Variants in LGALS8 observed in about 807,000 individuals in gnomAD.
LGALS8 encodes galectin 8.
In LGALS8, 30 loss-of-function variants were observed where a neutral mutation model predicts 35.9. That is an observed-to-expected ratio of 0.83 (90% CI 0.62 to 1.13). LGALS8 has a LOEUF of 1.13. Among genes scored for constraint, LGALS8 ranks in the 50% most tolerant of loss-of-function variants. The probability of loss-of-function intolerance (pLI) is 0.00; values close to 1 mark genes in which losing one functional copy is unlikely to be tolerated. For missense variants in LGALS8, 366 were observed against 388.7 expected, an observed-to-expected ratio of 0.94 and a Z score of 0.49; for synonymous variants, 138 against 136.1, an observed-to-expected ratio of 1.01 and a Z score of -0.10.
chr1:236,541,934 A>T (rs1364531038), intron 6 of LGALS8, among the ~76,000 whole-genome samples: 1 of 152,158 alleles, frequency 6.6e-6, no homozygotes, highest in Non-Finnish European at 1.5e-5. Context: ...CTTATGTAAA[A>T]AGCACTCTCT....
At chr1:236,532,479 T>C (rs1182997337) in intron 2 of LGALS8, among the ~76,000 whole-genome samples, 2 of 152,188 alleles carry the variant, frequency 1.3e-5, no homozygotes, top group Non-Finnish European at 2.9e-5. Flanking sequence ...TTAGCAGATT[T>C]GCTCTCAGAT....
intron 2 of LGALS8, among the ~76,000 whole-genome samples, chr1:236,528,508 ACCG>A (rs1284459388): frequency 1.4e-5 from 2 of 146,698 alleles, no homozygotes; most frequent in Admixed American, 6.9e-5. Context: ...TTATAAACAC[ACCG>A]CCACTTTTTA....
rs762370325 is a variant in LGALS8, at chr1:236,548,018, A to C, written c.811A>C (p.Ile271Leu). Residue 271 changes from isoleucine to leucine, a missense_variant, in exon 10 of 10, where the codon ATT (isoleucine) becomes CTT (leucine). By Grantham distance (5) the Ile-to-Leu change is conservative (BLOSUM62 2). Coordinates refer to ENST00000366584, the MANE Select transcript of LGALS8 (RefSeq NM_201544.4). Reference sequence around the variant, plus strand: ...ATGTATCCTTTCCTTTCAGATGATAATTTATTGTGATGTTAGAGAATTCAA... The same window carrying C: ...ATGTATCCTTTCCTTTCAGATGATACTTTATTGTGATGTTAGAGAATTCAA... ...FSPGMYFEMIIYCDVREFKVA... is the reference protein window; with the variant it reads ...FSPGMYFEMILYCDVREFKVA... 8 of 1,610,818 alleles carry C rather than the reference A, an allele frequency of 5.0e-6. No individual in the cohort carries two copies. The East Asian group carries it at 1.8e-4, about 36-fold the overall frequency.
chr1:236,524,457 T>C, intron 1 of LGALS8: 1 of 456,482 alleles, frequency 2.2e-6, no homozygotes, highest in Non-Finnish European at 4.4e-6. Flanking sequence ...TCTGGGGAAG[T>C]TTCCTTCCCG....
At chr1:236,532,228 C>T (rs1661189675) in intron 2 of LGALS8, among the ~76,000 whole-genome samples, 5 of 152,180 alleles carry the variant, frequency 3.3e-5, no homozygotes, top group Admixed American at 3.3e-4. Flanking sequence ...CCCAAGTTCC[C>T]AGACACCAGC....
rs541061035 is a variant in LGALS8, at chr1:236,535,190, A to G, written c.46-2307A>G. Among the ~76,000 whole-genome samples the G allele has an allele frequency of 2.4e-4, 37 of 152,196 alleles. 2 individuals carry two copies. In the South Asian group the frequency reaches 7.3e-3, roughly 30 times the overall value. ...CTATAGAAATATCGATGCTTATTATAGACATCTGCAAAGTATGAAAATATA... is the reference window on the plus strand; with the variant it reads ...CTATAGAAATATCGATGCTTATTATGGACATCTGCAAAGTATGAAAATATA... On this transcript the variant is annotated intron_variant, in intron 2 of 9. Transcript: ENST00000366584.
rs746589507 is a variant in LGALS8, at chr1:236,540,532, C to CA, written c.346-32_346-31insA. 6.0e-6 allele frequency: 9 copies of CA among 1,488,800 alleles called. No individual in the cohort carries two copies. The South Asian group carries it at 1.1e-4, about 18-fold the overall frequency. The allele number at this position is 1,488,800 out of a possible 1,614,324, so 92.2% of individuals were successfully genotyped here. A position where few individuals can be genotyped will look rare whatever the true frequency, so the allele number is the denominator to read the frequency against. On this transcript the variant is annotated intron_variant, in intron 4 of 9. Transcript: ENST00000366584. ...TTTATTAACTGTTTTTTTTTGGTGGCGGGGGGGGCTCTGTCTTCTGTATCT... is the reference window on the plus strand; with the variant it reads ...TTTATTAACTGTTTTTTTTTGGTGGCAGGGGGGGGCTCTGTCTTCTGTATCT...
chr1:236,527,758 A>G (rs752350844), intron 2 of LGALS8, among the ~76,000 whole-genome samples: 22 of 151,510 alleles, frequency 1.5e-4, no homozygotes, highest in South Asian at 2.1e-4. Context: ...TTTTTGAGAT[A>G]TAGTTTCCCT....
intron 2 of LGALS8, among the ~76,000 whole-genome samples, chr1:236,533,028 TC>T (rs1661238067): frequency 6.6e-6 from 1 of 152,208 alleles, no homozygotes; most frequent in Non-Finnish European, 1.5e-5. Flanking sequence ...CAGCAGTCAG[TC>T]ACCCAGATGA....
intron 2 of LGALS8, among the ~76,000 whole-genome samples, chr1:236,528,202 G>A (rs1469002910): frequency 1.3e-5 from 2 of 152,026 alleles, no homozygotes; most frequent in Admixed American, 6.5e-5. Flanking sequence ...CCAAGATGGC[G>A]AAACTCCGTC....
upstream of LGALS8, among the ~76,000 whole-genome samples, chr1:236,522,796 T>C (rs1660593050): frequency 6.6e-6 from 1 of 152,160 alleles, no homozygotes; most frequent in Non-Finnish European, 1.5e-5. Context: ...AATTCACCTA[T>C]TCAGATTGGA....
intron 9 of LGALS8, among the ~76,000 whole-genome samples, chr1:236,546,350 C>T (rs1347699882): frequency 6.6e-6 from 1 of 152,236 alleles, no homozygotes; most frequent in African/African-American, 2.4e-5. Flanking sequence ...TAGGTCCTTT[C>T]CGGGGGCTTC....
At chr1:236,531,869 G>T (rs1661169223) in intron 2 of LGALS8, among the ~76,000 whole-genome samples, 1 of 152,130 alleles carries the variant, frequency 6.6e-6, no homozygotes, top group Non-Finnish European at 1.5e-5. Flanking sequence ...GCGGTGAAAG[G>T]ATATAGAGCA....
chr1:236,539,130 G>C, intron 4 of LGALS8, 41 bp downstream of exon 4: 1 of 1,508,938 alleles, frequency 6.6e-7, no homozygotes, highest in Non-Finnish European at 9.2e-7. Flanking sequence ...TCATTAGTGA[G>C]CAGGAGTGCA....
At chr1:236,530,985 TA>T (rs551198770) in intron 2 of LGALS8, among the ~76,000 whole-genome samples, 75 of 152,346 alleles carry the variant, frequency 4.9e-4, no homozygotes, top group African/African-American at 1.8e-3. Context: ...GTGTGTTGTG[TA>T]TATCACCTTT....
At chr1:236,530,049 A>C (rs1178578440) in intron 2 of LGALS8, among the ~76,000 whole-genome samples, 4 of 152,234 alleles carry the variant, frequency 2.6e-5, no homozygotes, top group African/African-American at 7.2e-5. Context: ...CTTGTTTGGC[A>C]GTTCATTATC....
intron 9 of LGALS8, among the ~76,000 whole-genome samples, chr1:236,546,033 C>T (rs1396483122): frequency 6.6e-6 from 1 of 152,068 alleles, no homozygotes; most frequent in African/African-American, 2.4e-5. Context: ...TGTTTTTGAC[C>T]TATCTGGGCC....
intron 9 of LGALS8, 123 bp downstream of exon 9, chr1:236,545,038 C>A: frequency 1.4e-6 from 1 of 727,400 alleles, no homozygotes; most frequent in Non-Finnish European, 2.2e-6. Flanking sequence ...TTTTTGTTTA[C>A]TTGGAGATTG....
rs1305117589 is a variant in LGALS8, at chr1:236,550,829, C to A, written c.*2668C>A. ...TTAAGGCACCAAAAGTAACATGGCA[C>A]CCAACACCCAAAAATAAAAATATGA... On this transcript the variant is annotated 3_prime_UTR_variant, in exon 10 of 10. Coordinates refer to ENST00000366584, the MANE Select transcript of LGALS8 (RefSeq NM_201544.4). 13 of 1,184,044 alleles carry A rather than the reference C, an allele frequency of 1.1e-5. No homozygotes were observed. The highest frequency in any genetic ancestry group is 3.1e-5 in the African/African-American group (2 of 64,864). The allele number at this position is 1,184,044 out of a possible 1,614,324, so 73.3% of individuals were successfully genotyped here.
Sources: allele counts gnomAD v4.1 joint callset (sites outside exome capture counted in the v4.1 genomes callset), GRCh38; gene constraint gnomAD v4.1.1; transcripts MANE v1.5; gene names NCBI Gene and HGNC (gene_info 2026-07-23, HGNC 2026-07-21).